The following PTPRD variants were observed in gnomAD, a reference collection of about 807,000 sequenced individuals.
PTPRD encodes receptor-type tyrosine-protein phosphatase delta.
In PTPRD, 34 loss-of-function variants were observed where a neutral mutation model predicts 214.5. The observed-to-expected ratio is 0.16, with a 90% CI of 0.12 to 0.21. PTPRD has a LOEUF of 0.21. PTPRD is among the 10% of genes least tolerant of loss of function. PTPRD has a pLI of 1.00. For missense variants in PTPRD, 2,545 were observed against 2,398.7 expected, an observed-to-expected ratio of 1.06 and a Z score of -1.27; for synonymous variants, 1,128 against 845.7, an observed-to-expected ratio of 1.33 and a Z score of -5.79.
At chr9:8,425,431 CT>C (rs2094597279) in intron 35 of PTPRD, among the ~76,000 whole-genome samples, 1 of 127,896 alleles carries the variant, frequency 7.8e-6, no homozygotes, top group Non-Finnish European at 1.7e-5. Flanking sequence ...CACACCTCAC[CT>C]CTCAGCAGCA....
At chr9:9,996,841 T>A (rs542039411) in intron 4 of PTPRD, among the ~76,000 whole-genome samples, 174 of 152,238 alleles carry the variant, frequency 1.1e-3, no homozygotes, top group Admixed American at 1.8e-3. Flanking sequence ...CAAGACAACC[T>A]TCAACAACAA....
At chr9:9,030,616 T>A (rs2099602193) in intron 10 of PTPRD, among the ~76,000 whole-genome samples, 1 of 151,870 alleles carries the variant, frequency 6.6e-6, no homozygotes, top group South Asian at 2.1e-4. Flanking sequence ...GAATAATTGA[T>A]CTGGGCTGTC....
intron 9 of PTPRD, among the ~76,000 whole-genome samples, chr9:9,349,514 G>C (rs1569567602): frequency 6.6e-6 from 1 of 151,866 alleles, no homozygotes; most frequent in African/African-American, 2.4e-5. Flanking sequence ...TTAGACTTTG[G>C]AATCCCACTC....
chr9:9,803,285 C>T (rs1322215306), intron 5 of PTPRD, among the ~76,000 whole-genome samples: 1 of 151,122 alleles, frequency 6.6e-6, no homozygotes, highest in Non-Finnish European at 1.5e-5. Flanking sequence ...GTAAACCGCT[C>T]AGTGATAATC....
chr9:9,063,065 A>G (rs1028347796), intron 10 of PTPRD, among the ~76,000 whole-genome samples: 1 of 152,124 alleles, frequency 6.6e-6, no homozygotes, highest in African/African-American at 2.4e-5. Context: ...CTATTGATGG[A>G]ATGCTAGCCT....
At chr9:9,068,656 G>C (rs977640358) in intron 10 of PTPRD, among the ~76,000 whole-genome samples, 1 of 151,964 alleles carries the variant, frequency 6.6e-6, no homozygotes, top group Non-Finnish European at 1.5e-5. Context: ...CTTGTCCCCA[G>C]GCTGGAGTGC....
At chr9:9,202,206 T>G (rs139894469) in intron 9 of PTPRD, among the ~76,000 whole-genome samples, 80 of 152,328 alleles carry the variant, frequency 5.3e-4, no homozygotes, top group Non-Finnish European at 9.3e-4. Flanking sequence ...TTAATGAATC[T>G]CTTCATTCTA....
chr9:10,293,549 C>G (rs75638954), intron 3 of PTPRD, among the ~76,000 whole-genome samples: 21,377 of 151,866 alleles, frequency 0.14, 1,829 homozygotes, highest in African/African-American at 0.24. Flanking sequence ...CTTGCTCCAT[C>G]ATTAAGTTTA....
intron 2 of PTPRD, among the ~76,000 whole-genome samples, chr9:10,567,056 T>A (rs544681728): frequency 6.6e-6 from 1 of 152,238 alleles, no homozygotes; most frequent in Non-Finnish European, 1.5e-5. Context: ...TCTCCACCCA[T>A]GTGCTTACAT....
intron 12 of PTPRD, among the ~76,000 whole-genome samples, chr9:8,717,523 C>T (rs917018308): frequency 3.3e-5 from 5 of 152,178 alleles, no homozygotes; most frequent in Admixed American, 3.3e-4. Context: ...AACGCATCCT[C>T]CACATAGCTG....
intron 11 of PTPRD, among the ~76,000 whole-genome samples, chr9:8,995,965 T>C (rs145728732): frequency 5.9e-5 from 9 of 152,228 alleles, no homozygotes; most frequent in East Asian, 1.9e-4. Context: ...GGAGTTACAG[T>C]TGTCATAATG....
intron 7 of PTPRD, among the ~76,000 whole-genome samples, chr9:9,624,830 GA>G (rs58910288): frequency 1.4e-4 from 21 of 146,564 alleles, no homozygotes; most frequent in Non-Finnish European, 1.9e-4. Flanking sequence ...TAGATGCATT[GA>G]AAAAAAAAAA....
chr9:8,750,347 A>T (rs2093392838), intron 11 of PTPRD, among the ~76,000 whole-genome samples: 1 of 151,760 alleles, frequency 6.6e-6, no homozygotes, highest in Non-Finnish European at 1.5e-5. Flanking sequence ...TAGTAGCGAC[A>T]GGGTTTTACC....
At chr9:9,684,693 T>TTGTGTGTGTGTGTGTGTGTGTGTGTG in intron 7 of PTPRD, among the ~76,000 whole-genome samples, 1 of 149,052 alleles carries the variant, frequency 6.7e-6, no homozygotes, top group Admixed American at 6.7e-5. Context: ...AATACAGCAT[T>TTGTGTGTGTGTGTGTGTGTGTGTGTG]TGTGTGTGTG....
chr9:8,497,165 C>T, intron 26 of PTPRD, 77 bp downstream of exon 26: 1 of 1,282,032 alleles, frequency 7.8e-7, no homozygotes, highest in Non-Finnish European at 1.1e-6. Context: ...GATGACAGAT[C>T]ACAAATAAGT....
At chr9:9,299,732 TTA>T (rs1954527894) in intron 9 of PTPRD, among the ~76,000 whole-genome samples, 1 of 151,490 alleles carries the variant, frequency 6.6e-6, no homozygotes, top group Non-Finnish European at 1.5e-5. Context: ...TTTCTCCATT[TTA>T]TGTTTATAAA....
chr9:9,229,763 G>A (rs759758877), intron 9 of PTPRD, among the ~76,000 whole-genome samples: 5 of 152,016 alleles, frequency 3.3e-5, no homozygotes, highest in Non-Finnish European at 5.9e-5. Flanking sequence ...GAAACTACAC[G>A]TGCCAACAAG....
At chr9:8,663,259 C>T (rs890629791) in intron 12 of PTPRD, among the ~76,000 whole-genome samples, 1 of 145,334 alleles carries the variant, frequency 6.9e-6, no homozygotes, top group African/African-American at 2.5e-5. Flanking sequence ...CTTTCCAAAA[C>T]GAAACTAGTA....
At chr9:10,219,805 T>C (rs2099558100) in intron 3 of PTPRD, among the ~76,000 whole-genome samples, 2 of 151,684 alleles carry the variant, frequency 1.3e-5, no homozygotes, top group African/African-American at 2.4e-5. Flanking sequence ...TATATTTCAC[T>C]ACCCTTGTTT....
Sources: gnomAD v4.1 joint callset for allele counts (sites outside exome capture counted in the v4.1 genomes callset) on GRCh38, gnomAD v4.1.1 for gene constraint, MANE v1.5 for transcripts, NCBI Gene and HGNC (gene_info 2026-07-23, HGNC 2026-07-21) for gene names.